GAREM1: variants seen among roughly 807,000 people sequenced by gnomAD.
GAREM1 encodes GRB2-associated and regulator of MAPK protein 1.
A neutral mutation model predicts 71.3 loss-of-function variants in GAREM1; 26 were observed. The observed-to-expected ratio is 0.36, with a 90% confidence interval of 0.27 to 0.51. The LOEUF is 0.51. Ranked by LOEUF, GAREM1 falls within the 20% of genes least tolerant of loss-of-function variation. The probability of loss-of-function intolerance (pLI) is 0.95; values close to 1 mark genes in which losing one functional copy is unlikely to be tolerated. For missense variants in GAREM1, 1,026 were observed against 1,103.1 expected (o/e 0.93, Z 0.99); for synonymous variants, 440 against 433.2 (o/e 1.02, Z -0.20).
chr18:32,292,286 GTCT>G (rs1167865118), intron 3 of GAREM1, among the ~76,000 whole-genome samples: 2 of 151,890 alleles, frequency 1.3e-5, no homozygotes, highest in African/African-American at 2.4e-5. Flanking sequence ...CTGCATAAAT[GTCT>G]TCTTTTGAGA....
chr18:32,458,669 T>C (rs1162177220), intron 1 of GAREM1, among the ~76,000 whole-genome samples: 1 of 151,510 alleles, frequency 6.6e-6, no homozygotes, highest in Non-Finnish European at 1.5e-5. Context: ...TACCAAAAAA[T>C]TGAACAAAGG....
intron 1 of GAREM1, among the ~76,000 whole-genome samples, chr18:32,402,739 CTTTA>C (rs2048327034): frequency 6.6e-6 from 1 of 152,080 alleles, no homozygotes; most frequent in Admixed American, 6.6e-5. Flanking sequence ...CTATTCTGGA[CTTTA>C]TTTCCCACAC....
Position 32,470,192 on chromosome 18 carries a change from G to T in GAREM1, c.121+116C>A. The T allele has an allele frequency of 1.3e-5, 16 of 1,238,878 alleles. No individual in the cohort carries two copies. The highest frequency in any genetic ancestry group is 1.5e-5 in the Non-Finnish European group (15 of 976,408). 76.7% of individuals were successfully genotyped at this position (1,238,878 alleles called of 1,614,324 possible). ...GGCAGCCGCTCGGGCCAACTCCGGC[G>T]CTCAGGGGCGGGCAGCCCACTCCCC... On this transcript the variant is annotated intron_variant, in intron 1 of 5. Transcript: ENST00000269209. The surrounding 1 kb of genome is among the most constrained non-coding windows in gnomAD (Gnocchi z 4.4).
intron 2 of GAREM1, among the ~76,000 whole-genome samples, chr18:32,348,042 C>T (rs1009262063): frequency 2.0e-5 from 3 of 152,190 alleles, no homozygotes; most frequent in Non-Finnish European, 4.4e-5. Flanking sequence ...TGTATTCAAA[C>T]TAGATTTTAA....
intron 1 of GAREM1, among the ~76,000 whole-genome samples, chr18:32,453,135 C>A (rs908255610): frequency 2.6e-5 from 4 of 151,902 alleles, no homozygotes; most frequent in Non-Finnish European, 5.9e-5. Context: ...CTTACGCGGC[C>A]GCAGGAAGAA....
chr18:32,308,918 G>C (rs2047285686), intron 3 of GAREM1, among the ~76,000 whole-genome samples: 1 of 150,090 alleles, frequency 6.7e-6, no homozygotes, highest in Non-Finnish European at 1.5e-5. Context: ...ATAAGGGGCT[G>C]TCCTAGGCAT....
At chr18:32,441,445 C>T (rs567187170) in intron 1 of GAREM1, among the ~76,000 whole-genome samples, 1 of 152,098 alleles carries the variant, frequency 6.6e-6, no homozygotes, top group South Asian at 2.1e-4. Context: ...ATGTGAGCTA[C>T]TCCTAGCAGC....
intron 2 of GAREM1, among the ~76,000 whole-genome samples, chr18:32,381,281 C>A (rs2048095686): frequency 6.6e-6 from 1 of 151,466 alleles, no homozygotes; most frequent in African/African-American, 2.4e-5. Context: ...CCCTGAGAGT[C>A]CCAAAAGATA....
intron 1 of GAREM1, among the ~76,000 whole-genome samples, chr18:32,435,730 C>A (rs2048670023): frequency 6.6e-6 from 1 of 152,038 alleles, no homozygotes; most frequent in South Asian, 2.1e-4. Flanking sequence ...AGGTAAAATC[C>A]CACACAATCT....
intron 1 of GAREM1, among the ~76,000 whole-genome samples, chr18:32,437,057 T>C (rs2048687377): frequency 6.6e-6 from 1 of 152,236 alleles, no homozygotes; most frequent in Admixed American, 6.5e-5. Context: ...TATAATGTTC[T>C]TCATTTTACA....
chr18:32,432,303 C>G (rs1199847686), intron 1 of GAREM1, among the ~76,000 whole-genome samples: 1 of 151,838 alleles, frequency 6.6e-6, no homozygotes, highest in Non-Finnish European at 1.5e-5. Flanking sequence ...TAAATGCTTA[C>G]ATTATAAAAG....
Position 32,265,650 on chromosome 18 carries a change from CA to C in GAREM1, c.*2220del. 6.6e-6 allele frequency: 1 copy of C among 151,948 alleles called. No individual in the cohort carries two copies. Among genetic ancestry groups the C allele is most frequent in the African/African-American group, 2.4e-5 (1 of 41,372 alleles). The allele number at this position is 151,948 out of a possible 1,614,324, so 9.4% of individuals were successfully genotyped here. A position where few individuals can be genotyped will look rare whatever the true frequency, so the allele number is the denominator to read the frequency against. ...AAACTTGACAAAAATACACCAAGTCCAAAACAAGCAAAAAGAATTTAAAACC... is the reference window on the plus strand; with the variant it reads ...AAACTTGACAAAAATACACCAAGTCCAAACAAGCAAAAAGAATTTAAAACC... On this transcript the variant is annotated 3_prime_UTR_variant, in exon 6 of 6. Coordinates refer to ENST00000269209, the MANE Select transcript of GAREM1 (RefSeq NM_001242409.2).
chr18:32,269,339 T>G (rs537458966), intron 5 of GAREM1, among the ~76,000 whole-genome samples: 159 of 152,340 alleles, frequency 1.0e-3, no homozygotes, highest in Non-Finnish European at 1.9e-3. Context: ...GAACAAAAAG[T>G]ACCTGCAAAG....
chr18:32,414,491 CA>C (rs542707472), intron 1 of GAREM1, among the ~76,000 whole-genome samples: 1 of 151,640 alleles, frequency 6.6e-6, no homozygotes, highest in East Asian at 1.9e-4. Flanking sequence ...TTAAAACATG[CA>C]AAAAAACTGA....
chr18:32,436,591 T>C (rs2048681513), intron 1 of GAREM1, among the ~76,000 whole-genome samples: 1 of 152,238 alleles, frequency 6.6e-6, no homozygotes, highest in South Asian at 2.1e-4. Context: ...TGAAGTCAAA[T>C]GTCATTTCTG....
intron 5 of GAREM1, 95 bp downstream of exon 5, chr18:32,270,122 C>G: frequency 6.3e-6 from 8 of 1,279,570 alleles, no homozygotes; most frequent in Non-Finnish European, 8.8e-6. Flanking sequence ...TCCCACCACC[C>G]TGCCTGTTAG....
chr18:32,324,039 A>T (rs1014413803), intron 2 of GAREM1, among the ~76,000 whole-genome samples: 2 of 152,144 alleles, frequency 1.3e-5, no homozygotes, highest in Admixed American at 6.6e-5. Flanking sequence ...TTCAACCCAG[A>T]CAAAGGAAAG....
intron 1 of GAREM1, chr18:32,412,508 A>G: frequency 6.3e-7 from 1 of 1,596,486 alleles, no homozygotes; most frequent in Non-Finnish European, 8.5e-7. Flanking sequence ...CACCACGACC[A>G]CTGAAGTTTC....
In GAREM1 at chr18:32,287,846, C is replaced by G; in HGVS notation, c.751G>C (p.Val251Leu). The G allele has an allele frequency of 6.2e-7, 1 of 1,612,900 alleles. No individual in the cohort carries two copies. Among genetic ancestry groups the G allele is most frequent in the Non-Finnish European group, 8.5e-7 (1 of 1,179,664 alleles). ...GGGTTTCTCGGTGGAGGGCTTGGCACAGTCACATTCACAGGAAGCCTGGTT... is the reference window on the plus strand; with the variant it reads ...GGGTTTCTCGGTGGAGGGCTTGGCAGAGTCACATTCACAGGAAGCCTGGTT... ...EKTRLPVNVT[V>L]PSPPPRNPYD... The change falls in exon 4 of 6, where the codon GTG (valine) becomes CTG (leucine). Residue 251 changes from valine to leucine, a missense_variant. Coordinates refer to ENST00000269209, the MANE Select transcript of GAREM1 (RefSeq NM_001242409.2). This position sits in a 1 kb window ranked among gnomAD's most constrained non-coding sequence, Gnocchi z 5.9.
Sources: gnomAD v4.1 joint callset for allele counts (sites outside exome capture counted in the v4.1 genomes callset) on GRCh38, gnomAD v4.1.1 for gene constraint, Gnocchi (gnomAD v3.1) non-coding constraint, MANE v1.5 for transcripts, NCBI Gene and HGNC (gene_info 2026-07-23, HGNC 2026-07-21) for gene names.